DNAH12: variants seen among roughly 807,000 people sequenced by gnomAD.
DNAH12 encodes the protein axonemal beta dynein heavy chain 12.
A neutral mutation model predicts 371.5 loss-of-function variants in DNAH12; 285 were observed. The observed-to-expected ratio is 0.77, with a 90% CI of 0.70 to 0.85. The LOEUF (loss-of-function observed/expected upper bound fraction) is 0.85. Among genes scored for constraint, DNAH12 ranks in the 40% least tolerant of loss-of-function variants. DNAH12 has a pLI of 0.00. For synonymous variants in DNAH12, 1,200 were observed against 1,213.0 expected, an observed-to-expected ratio of 0.99 and a Z score of 0.22; for missense variants, 3,611 against 3,689.4, an observed-to-expected ratio of 0.98 and a Z score of 0.55.
At position 57,437,032 on chromosome 3, in the gene DNAH12, C is replaced by A; in HGVS notation, c.4574G>T (p.Cys1525Phe). The change falls in exon 30 of 74, where the codon TGC becomes TTC. Residue 1525 changes from cysteine to phenylalanine, a missense_variant. This residue lies in a region of DNAH12 where 2,266 missense variants were observed against 2,236.9 expected (regional missense o/e 1.01). Transcript: ENST00000495027. ...AACAGGCTGAAGATTATGTACATTG[C>A]AGGCTTCATGAGCACATTCCAAAAA... is the stretch of plus-strand genomic sequence containing the variant. ...HEFLECAHEA[C>F]NVHNLQPVKF... The A allele has an allele frequency of 1.3e-6, 2 of 1,516,984 alleles. No individual in the cohort carries two copies. The highest frequency in any genetic ancestry group is 1.8e-6 in the Non-Finnish European group (2 of 1,137,812). The allele number at this position is 1,516,984 out of a possible 1,614,324, so 94.0% of individuals were successfully genotyped here.
chr3:57,322,511 T>C (rs1313422540), intron 64 of DNAH12, 28 bp from the exon 65 acceptor site: 12 of 1,540,764 alleles, frequency 7.8e-6, no homozygotes, highest in Middle Eastern at 1.7e-4. Flanking sequence ...GAGAGCATTA[T>C]ACAAGATAGC....
chr3:57,410,391 A>T (rs576463828), intron 39 of DNAH12, among the ~76,000 whole-genome samples: 3 of 152,170 alleles, frequency 2.0e-5, no homozygotes, highest in African/African-American at 4.8e-5. Context: ...ATTGACCTAC[A>T]TAAGAAGAAA....
At chr3:57,543,050 T>C in intron 1 of DNAH12, 147 bp from the exon 2 acceptor site, 1 of 550,422 alleles carries the variant, frequency 1.8e-6, no homozygotes, top group Non-Finnish European at 2.8e-6. Context: ...AGAATGACAG[T>C]TGAGGTAAGT....
chr3:57,384,783 C>T (rs1414025035), intron 49 of DNAH12, 46 bp downstream of exon 49: 2 of 152,228 alleles, frequency 1.3e-5, no homozygotes, highest in African/African-American at 4.8e-5. Context: ...CCATATTCAG[C>T]TTCCCTTGGT....
intron 29 of DNAH12, among the ~76,000 whole-genome samples, chr3:57,442,481 G>A (rs1251818712): frequency 6.6e-6 from 1 of 152,090 alleles, no homozygotes; most frequent in Non-Finnish European, 1.5e-5. Flanking sequence ...AATAAGCCAA[G>A]GATATATACT....
the DNAH12 span, among the ~76,000 whole-genome samples, chr3:57,554,515 A>G: frequency 1.3e-5 from 2 of 152,102 alleles, no homozygotes; most frequent in African/African-American, 4.8e-5. Flanking sequence ...TGGTGGATGC[A>G]TATCTTTCTT....
chr3:57,443,202 C>G (rs1051846572), intron 29 of DNAH12, among the ~76,000 whole-genome samples: 2 of 152,148 alleles, frequency 1.3e-5, no homozygotes, highest in African/African-American at 4.8e-5. Context: ...CTCCGCCTCC[C>G]GGGTTCAAGC....
chr3:57,499,128 A>G (rs1048614049), intron 11 of DNAH12, among the ~76,000 whole-genome samples: 1 of 152,206 alleles, frequency 6.6e-6, no homozygotes, highest in Non-Finnish European at 1.5e-5. Flanking sequence ...GTATGTATAT[A>G]TGATTCTATT....
chr3:57,319,244 G>C (rs2061751952), intron 65 of DNAH12, among the ~76,000 whole-genome samples: 1 of 152,068 alleles, frequency 6.6e-6, no homozygotes, highest in Non-Finnish European at 1.5e-5. Context: ...TGAATTCATT[G>C]ATTAGCTCTG....
chr3:57,546,820 T>C (rs778469878), upstream of DNAH12, among the ~76,000 whole-genome samples: 4 of 152,144 alleles, frequency 2.6e-5, no homozygotes, highest in Admixed American at 1.3e-4. Context: ...AAGATTATCC[T>C]GGGTGAGCCT....
chr3:57,396,537 A>T (rs1236124293), intron 43 of DNAH12, among the ~76,000 whole-genome samples: 2 of 151,720 alleles, frequency 1.3e-5, no homozygotes, highest in African/African-American at 4.8e-5. Context: ...ATCTGAGATT[A>T]CAGGTGCTTT....
intron 25 of DNAH12, among the ~76,000 whole-genome samples, chr3:57,448,615 T>G (rs6804040): frequency 0.45 from 68,469 of 152,150 alleles, 17,194 homozygotes; most frequent in South Asian, 0.6. Flanking sequence ...AACCCGACCA[T>G]GTTGCCAATG....
intron 29 of DNAH12, among the ~76,000 whole-genome samples, chr3:57,439,440 T>C (rs1021110736): frequency 3.9e-5 from 6 of 152,134 alleles, no homozygotes; most frequent in East Asian, 1.9e-4. Flanking sequence ...ACAAAAGCGA[T>C]GGAGAAAAGA....
chr3:57,340,615 C>T (rs781961232), intron 60 of DNAH12, among the ~76,000 whole-genome samples: 1 of 151,996 alleles, frequency 6.6e-6, no homozygotes, highest in Non-Finnish European at 1.5e-5. Context: ...AAATAGAAAA[C>T]CTGAACAGAT....
chr3:57,476,571 T>TAAAAAAC (rs900347996), intron 13 of DNAH12, among the ~76,000 whole-genome samples: 1 of 151,506 alleles, frequency 6.6e-6, no homozygotes, highest in Non-Finnish European at 1.5e-5. Context: ...CTCAAAAAAA[T>TAAAAAAC]AAAAAATAAA....
At chr3:57,328,314 A>G (rs540256170) in intron 62 of DNAH12, among the ~76,000 whole-genome samples, 10,796 of 150,938 alleles carry the variant, frequency 0.072, 1,194 homozygotes, top group African/African-American at 0.25. Flanking sequence ...ATCCTCAATA[A>G]AATACTGGCA....
chr3:57,509,258 A>G (rs1177906339), intron 5 of DNAH12, 46 bp from the exon 6 acceptor site: 1 of 1,520,112 alleles, frequency 6.6e-7, no homozygotes, highest in Non-Finnish European at 9.0e-7. Context: ...TCTCTGCACA[A>G]TCTATTAATA....
chr3:57,407,083 G>C (rs1553681502), intron 40 of DNAH12, among the ~76,000 whole-genome samples: 1 of 151,950 alleles, frequency 6.6e-6, no homozygotes, highest in African/African-American at 2.4e-5. Flanking sequence ...ATTTTTAGTA[G>C]AGACAGGGTT....
intron 60 of DNAH12, among the ~76,000 whole-genome samples, chr3:57,341,198 C>A (rs114252342): frequency 6.6e-6 from 1 of 152,170 alleles, no homozygotes; most frequent in Non-Finnish European, 1.5e-5. Flanking sequence ...ACAAGGATAC[C>A]CACTCTCATC....
Sources: allele counts gnomAD v4.1 joint callset (sites outside exome capture counted in the v4.1 genomes callset), GRCh38; gene constraint gnomAD v4.1.1; regional missense constraint gnomAD v4.1.1; transcripts MANE v1.5; gene names NCBI Gene and HGNC (gene_info 2026-07-23, HGNC 2026-07-21).